F13B: variants seen among roughly 807,000 people sequenced by gnomAD.
F13B encodes TGase.
F13B carries 58 observed loss-of-function variants against 79.8 expected under a neutral mutation model. That is an observed-to-expected ratio of 0.73 (90% CI 0.59 to 0.90). The LOEUF (loss-of-function observed/expected upper bound fraction) is 0.90. F13B is among the 40% of genes least tolerant of loss of function. F13B has a pLI of 0.00. For missense variants in F13B, 773 were observed against 777.0 expected, an observed-to-expected ratio of 0.99 and a Z score of 0.06; for synonymous variants, 283 against 260.3, an observed-to-expected ratio of 1.09 and a Z score of -0.84.
chr1:197,057,508 A>T (rs767083969), intron 5 of F13B, 43 bp from the exon 6 acceptor site: 1 of 1,558,814 alleles, frequency 6.4e-7, no homozygotes, highest in East Asian at 2.3e-5. Flanking sequence ...ATATAATTAC[A>T]AAAAATAATA....
At position 197,061,985 on chromosome 1, in the gene F13B, T is replaced by A. The variant is rs1456963670; in HGVS notation, c.266-16A>T. The A allele has an allele frequency of 1.3e-6, 2 of 1,592,844 alleles. No individual in the cohort carries two copies. The highest frequency in any genetic ancestry group is 1.1e-5 in the South Asian group (1 of 90,286). On this transcript the variant is annotated splice_polypyrimidine_tract_variant and intron_variant, in intron 2 of 11. Coordinates refer to ENST00000367412, the MANE Select transcript of F13B (RefSeq NM_001994.3). ...GTGCATTTTTCTATGGGAAAAAAAATTATTTAACTTAATGATGAAACTAAG... is the reference window on the plus strand; with the variant it reads ...GTGCATTTTTCTATGGGAAAAAAAAATATTTAACTTAATGATGAAACTAAG...
At chr1:197,056,343 A>G (rs1051489418) in intron 7 of F13B, among the ~76,000 whole-genome samples, 1 of 151,898 alleles carries the variant, frequency 6.6e-6, no homozygotes, top group African/African-American at 2.4e-5. Flanking sequence ...CACTTTATCT[A>G]TTTCTTTAGC....
In F13B at chr1:197,062,910, T is replaced by A; in HGVS notation, c.212A>T (p.Glu71Val). ...TTCTGTTGTACACGTGGTTTGCTCT[T>A]CTTGTCTTCCACTTTCAGTGGTATA... is the stretch of plus-strand genomic sequence containing the variant. ...AGYTTESGRQ[E>V]EQTTCTTEGW... The change falls in exon 2 of 12, where the codon GAA (glutamate) becomes GTA (valine). Residue 71 changes from glutamate (E) to valine (V), a missense_variant. Transcript: ENST00000367412. 1 of 1,613,900 alleles carries A rather than the reference T, an allele frequency of 6.2e-7. No individual in the cohort carries two copies. The highest frequency in any genetic ancestry group is 8.5e-7 in the Non-Finnish European group (1 of 1,179,824).
intron 2 of F13B, 25 bp from the exon 3 acceptor site, chr1:197,061,994 TTAA>T (rs1655881609): frequency 1.3e-6 from 2 of 1,580,494 alleles, no homozygotes; most frequent in Non-Finnish European, 1.7e-6. Flanking sequence ...ATTATTTAAC[TTAA>T]TGATGAAACT....
chr1:197,056,879 A>G, intron 7 of F13B, 134 bp downstream of exon 7: 1 of 789,782 alleles, frequency 1.3e-6, no homozygotes, highest in Admixed American at 2.1e-5. Flanking sequence ...AAAGCAGAAG[A>G]GTAGGTGCTG....
intron 5 of F13B, 105 bp from the exon 6 acceptor site, chr1:197,057,570 A>G: frequency 8.2e-7 from 1 of 1,221,652 alleles, no homozygotes; most frequent in Non-Finnish European, 1.2e-6. Context: ...AGAATGGCAG[A>G]CTGATTCTAG....
intron 3 of F13B, among the ~76,000 whole-genome samples, chr1:197,061,479 A>G (rs1395965014): frequency 1.3e-5 from 2 of 152,112 alleles, no homozygotes; most frequent in Non-Finnish European, 2.9e-5. Flanking sequence ...ACATGATCTT[A>G]AATTCTTCTG....
intron 1 of F13B, among the ~76,000 whole-genome samples, chr1:197,063,539 C>G: frequency 6.6e-6 from 1 of 152,162 alleles, no homozygotes; most frequent in Non-Finnish European, 1.5e-5. Context: ...ACGCTGGTCT[C>G]AAACTCCTGG....
intron 4 of F13B, among the ~76,000 whole-genome samples, 166 bp downstream of exon 4, chr1:197,060,733 T>G (rs903470364): frequency 6.6e-6 from 1 of 152,158 alleles, no homozygotes; most frequent in Non-Finnish European, 1.5e-5. Flanking sequence ...ATGAATTTAT[T>G]CTACTTGAGA....
In F13B at chr1:197,052,611, T is replaced by A. The variant is rs1286134777; in HGVS notation, c.1555+23A>T. 1.9e-6 allele frequency: 3 copies of A among 1,559,100 alleles called. No homozygotes were observed. The South Asian group carries it at 3.4e-5, about 17-fold the overall frequency. ...CAGATATTGGTCAAGTAAAGATACT[T>A]GCAGAGAACATTATTATTTTACCTT... is the stretch of plus-strand genomic sequence containing the variant. On this transcript the variant is annotated intron_variant, in intron 9 of 11. Transcript: ENST00000367412.
intron 10 of F13B, among the ~76,000 whole-genome samples, chr1:197,047,893 G>GA (rs750061369): frequency 1.2e-4 from 19 of 152,194 alleles, no homozygotes; most frequent in Middle Eastern, 6.8e-3. Context: ...TACAAGGACA[G>GA]AAAACCAAAC....
chr1:197,040,459 T>G, intron 11 of F13B, 63 bp downstream of exon 11: 1 of 1,153,016 alleles, frequency 8.7e-7, no homozygotes, highest in Non-Finnish European at 1.3e-6. Context: ...ATAACATTTC[T>G]GAAATGTTGA....
intron 2 of F13B, 61 bp from the exon 3 acceptor site, chr1:197,062,030 T>C (rs1252762227): frequency 7.1e-7 from 1 of 1,413,940 alleles, no homozygotes; most frequent in African/African-American, 1.4e-5. Context: ...TACTAAATTG[T>C]AAAATTAAGC....
At chr1:197,062,106 G>C in intron 2 of F13B, 137 bp from the exon 3 acceptor site, 1 of 746,406 alleles carries the variant, frequency 1.3e-6, no homozygotes, top group South Asian at 1.7e-5. Context: ...TTTGAAAATG[G>C]ATTCAATTTA....
rs763591423 is a variant in F13B, at chr1:197,040,669, T to C, written c.1805A>G (p.Asn602Ser). ...NNLLLKWDFDNRPHILHGEYI... is the reference protein window; with the variant it reads ...NNLLLKWDFDSRPHILHGEYI... ...TTCACCATGCAAAATGTGTGGTCTA[T>C]TGTCAAAATCCCATTTCAGAAGTAA... Residue 602 changes from asparagine to serine, a missense_variant, in exon 11 of 12, where the codon AAT (asparagine) becomes AGT (serine). Transcript: ENST00000367412. 6.2e-7 allele frequency: 1 copy of C among 1,613,046 alleles called. No individual in the cohort carries two copies. The highest frequency in any genetic ancestry group is 1.3e-5 in the African/African-American group (1 of 74,892).
chr1:197,047,158 A>T (rs1316662862), intron 10 of F13B, among the ~76,000 whole-genome samples: 5 of 152,186 alleles, frequency 3.3e-5, no homozygotes, highest in African/African-American at 1.2e-4. Context: ...AAATAGACAA[A>T]TGGAATTTAA....
chr1:197,052,863 T>C (rs2125064559), intron 8 of F13B, 29 bp from the exon 9 acceptor site: 1 of 1,539,696 alleles, frequency 6.5e-7, no homozygotes, highest in African/African-American at 1.4e-5. Context: ...TTTTAAATTC[T>C]TTACTTGTCT....
Position 197,062,971 on chromosome 1 carries a change from T to G in F13B, c.151A>C (p.Ile51Leu). The G allele has an allele frequency of 6.2e-7, 1 of 1,613,854 alleles. No individual in the cohort carries two copies. The highest frequency in any genetic ancestry group is 1.3e-5 in the African/African-American group (1 of 75,040). Residue 51 changes from isoleucine (I) to leucine (L), a missense_variant, in exon 2 of 12, where the codon ATA (isoleucine) becomes CTA (leucine). Physicochemically the swap from Ile to Leu is conservative, Grantham distance 5. Transcript: ENST00000367412. The part of the protein sequence containing the change: ...TFKSFYFPMS[I>L]DKKLSFFCLA... ...CAGAAAAATGACAATTTTTTGTCTA[T>G]GCTCATTGGAAAGTAAAAGCTTTTA...
intron 11 of F13B, among the ~76,000 whole-genome samples, chr1:197,039,788 T>C (rs1654969967): frequency 6.6e-6 from 1 of 152,040 alleles, no homozygotes; most frequent in Admixed American, 6.6e-5. Flanking sequence ...ACTAGAGTGG[T>C]CAAAGCATCT....
Sources: gnomAD v4.1 joint callset for allele counts (sites outside exome capture counted in the v4.1 genomes callset) on GRCh38, gnomAD v4.1.1 for gene constraint, MANE v1.5 for transcripts, NCBI Gene and HGNC (gene_info 2026-07-23, HGNC 2026-07-21) for gene names.